The following ITIH6 variants were observed in gnomAD, a reference collection of about 807,000 sequenced individuals.
ITIH6 encodes inter-alpha-trypsin inhibitor heavy chain H6.
ITIH6 carries 60 observed loss-of-function variants against 58.2 expected under a neutral mutation model. The observed-to-expected ratio is 1.03, with a 90% confidence interval of 0.84 to 1.28. The LOEUF (loss-of-function observed/expected upper bound fraction) is 1.28. ITIH6 is among the 50% of genes most tolerant of loss of function. The probability of loss-of-function intolerance (pLI) is 0.00; values close to 1 mark genes in which losing one functional copy is unlikely to be tolerated. For missense variants in ITIH6, 1,290 were observed against 1,021.1 expected, an observed-to-expected ratio of 1.26 and a Z score of -3.59; for synonymous variants, 493 against 417.4, an observed-to-expected ratio of 1.18 and a Z score of -2.21.
chrX:54,796,929 G>C lies in ITIH6; in HGVS notation c.257+13C>G. On this transcript the variant is annotated intron_variant, in intron 2 of 12. Transcript: ENST00000218436. ...ACAAATGAATGAAGTGGTGACTTTG[G>C]AAGCAGACTTACATAGTGAAATTGG... The C allele has an allele frequency of 1.7e-6, 2 of 1,205,515 alleles. No homozygotes were observed. The highest frequency in any genetic ancestry group is 2.2e-6 in the Non-Finnish European group (2 of 891,264).
intron 9 of ITIH6, among the ~76,000 whole-genome samples, chrX:54,754,427 G>A (rs1333874923): frequency 8.9e-6 from 1 of 111,904 alleles, no homozygotes; most frequent in Non-Finnish European, 1.9e-5. Flanking sequence ...CTTATGAAGG[G>A]TATATTATCC....
intron 5 of ITIH6, among the ~76,000 whole-genome samples, chrX:54,784,080 T>G (rs1208499158): frequency 9.0e-6 from 1 of 111,593 alleles, no homozygotes; most frequent in Admixed American, 9.5e-5. Context: ...AGAACATACA[T>G]TGGGGAAAGA....
chrX:54,770,365 G>C (rs2147611177), intron 6 of ITIH6, among the ~76,000 whole-genome samples: 1 of 112,875 alleles, frequency 8.9e-6, no homozygotes, highest in East Asian at 2.8e-4. Context: ...GGGAGCTGTA[G>C]ACCGGAGCTG....
At chrX:54,756,905 C>T (rs1442757155) in intron 8 of ITIH6, 60 bp downstream of exon 8, 2 of 734,993 alleles carry the variant, frequency 2.7e-6, no homozygotes, top group Non-Finnish European at 3.9e-6. Flanking sequence ...ATTCCCAGCT[C>T]CTGGTACTGT....
chrX:54,790,639 A>G (rs931078861), intron 4 of ITIH6, among the ~76,000 whole-genome samples, 198 bp downstream of exon 4: 2 of 111,268 alleles, frequency 1.8e-5, no homozygotes, highest in African/African-American at 6.6e-5. Context: ...GCCAGGTCAT[A>G]TAGCCTGTAA....
intron 6 of ITIH6, among the ~76,000 whole-genome samples, chrX:54,771,920 A>G (rs965430394): frequency 1.8e-5 from 2 of 111,962 alleles, no homozygotes; most frequent in Non-Finnish European, 3.8e-5. Context: ...TAGTACAACC[A>G]TTGTGGAAGA....
At chrX:54,794,836 C>T (rs1270437958) in intron 2 of ITIH6, among the ~76,000 whole-genome samples, 1 of 111,375 alleles carries the variant, frequency 9.0e-6, no homozygotes, top group Admixed American at 9.6e-5. Flanking sequence ...ATCCAGGGGC[C>T]TTTTTGTAAT....
intron 6 of ITIH6, among the ~76,000 whole-genome samples, chrX:54,765,889 C>T (rs1188444272): frequency 9.1e-6 from 1 of 110,357 alleles, no homozygotes; most frequent in Non-Finnish European, 1.9e-5. Flanking sequence ...TTTTTTGGTT[C>T]CATATGAACT....
chrX:54,788,217 C>T (rs1227309243), intron 5 of ITIH6, among the ~76,000 whole-genome samples: 1 of 111,869 alleles, frequency 8.9e-6, no homozygotes, highest in East Asian at 2.8e-4. Context: ...GGACTGTTTT[C>T]GAGTAGGCTA....
intron 5 of ITIH6, among the ~76,000 whole-genome samples, chrX:54,776,929 C>T (rs1238445812): frequency 4.5e-5 from 5 of 111,933 alleles, no homozygotes; most frequent in Non-Finnish European, 7.5e-5. Context: ...GTAAATTGGA[C>T]ACTGTCTTGA....
intron 5 of ITIH6, among the ~76,000 whole-genome samples, chrX:54,778,551 T>C (rs749322327): frequency 1.8e-5 from 2 of 111,648 alleles, no homozygotes; most frequent in East Asian, 2.8e-4. Flanking sequence ...ATTAGTGAAT[T>C]ACAAGATAGG....
intron 6 of ITIH6, among the ~76,000 whole-genome samples, chrX:54,762,290 T>A (rs935246886): frequency 8.9e-6 from 1 of 111,824 alleles, no homozygotes; most frequent in Non-Finnish European, 1.9e-5. Context: ...ATTGATTTTG[T>A]ATCCTGAGAC....
At chrX:54,752,198 T>G (rs1928378379) in intron 11 of ITIH6, among the ~76,000 whole-genome samples, 2 of 111,574 alleles carry the variant, frequency 1.8e-5, no homozygotes, top group Non-Finnish European at 1.9e-5. Context: ...TTTCAAAATT[T>G]TTTGCACCAA....
Position 54,791,081 on chromosome X carries a change from G to T in ITIH6, c.372C>A (p.Asp124Glu). The T allele has an allele frequency of 8.3e-7, 1 of 1,210,602 alleles. No homozygotes were observed. The highest frequency in any genetic ancestry group is 1.1e-6 in the Non-Finnish European group (1 of 894,871). ...GKTAAHVGIR[D>E]RESEKFRIST... Reference sequence around the variant, plus strand: ...AGATGCGGAACTTCTCTGATTCCCGGTCCCTGGGCAGGAAAGGGAGGATGG... The same window carrying T: ...AGATGCGGAACTTCTCTGATTCCCGTTCCCTGGGCAGGAAAGGGAGGATGG... The change falls in exon 4 of 13, where the codon GAC becomes GAA. Residue 124 changes from aspartate (D) to glutamate (E), a missense_variant. Coordinates refer to ENST00000218436, the MANE Select transcript of ITIH6 (RefSeq NM_198510.3).
chrX:54,792,548 A>G (rs955577210), intron 2 of ITIH6, among the ~76,000 whole-genome samples: 8 of 111,564 alleles, frequency 7.2e-5, no homozygotes, highest in African/African-American at 2.6e-4. Context: ...ATATGGCCAT[A>G]TTAATATAAA....
chrX:54,766,785 G>C (rs1345896605), intron 6 of ITIH6, among the ~76,000 whole-genome samples: 3 of 101,633 alleles, frequency 3.0e-5, no homozygotes, highest in Non-Finnish European at 5.8e-5. Flanking sequence ...GCTGGATTTG[G>C]TTTGCCAGTA....
At chrX:54,761,255 C>T (rs1928636129) in intron 6 of ITIH6, among the ~76,000 whole-genome samples, 2 of 112,238 alleles carry the variant, frequency 1.8e-5, no homozygotes, top group African/African-American at 3.2e-5. Flanking sequence ...AGTGTCTGTT[C>T]ATATCCTTCA....
chrX:54,779,759 TA>T (rs773344876), intron 5 of ITIH6, among the ~76,000 whole-genome samples: 2 of 109,932 alleles, frequency 1.8e-5, no homozygotes, highest in African/African-American at 3.3e-5. Context: ...CTGAATGGAT[TA>T]AAAAAAATAA....
intron 6 of ITIH6, among the ~76,000 whole-genome samples, chrX:54,770,929 G>A (rs1201962397): frequency 2.7e-5 from 3 of 111,368 alleles, no homozygotes; most frequent in Non-Finnish European, 5.7e-5. Context: ...GTTTGAGAAA[G>A]TCTTTATTTT....
Sources: allele counts gnomAD v4.1 joint callset (sites outside exome capture counted in the v4.1 genomes callset), GRCh38; gene constraint gnomAD v4.1.1; transcripts MANE v1.5; gene names NCBI Gene and HGNC (gene_info 2026-07-23, HGNC 2026-07-21).